ITPRID1: variants seen among roughly 807,000 people sequenced by gnomAD.
ITPRID1 encodes ITPR interacting domain containing 1.
Under a neutral mutation model 95.4 loss-of-function variants are expected in ITPRID1, and 96 were observed. The ratio of observed to expected loss-of-function variants is 1.01; its 90% CI spans 0.85 to 1.19. The LOEUF is 1.19. ITPRID1 is among the 50% of genes most tolerant of loss of function. The pLI, the probability that ITPRID1 is intolerant of heterozygous loss-of-function variation, is 0.00. For synonymous variants in ITPRID1, 510 were observed against 453.6 expected, an observed-to-expected ratio of 1.12 and a Z score of -1.58; for missense variants, 1,339 against 1,252.9, an observed-to-expected ratio of 1.07 and a Z score of -1.04.
chr7:31,622,296 A>G (rs966662356), intron 10 of ITPRID1, among the ~76,000 whole-genome samples: 2 of 105,930 alleles, frequency 1.9e-5, no homozygotes, highest in African/African-American at 6.5e-5. Flanking sequence ...AATCAACAGA[A>G]TATACATTTT....
chr7:31,517,097 C>A (rs752472179), intron 1 of ITPRID1, among the ~76,000 whole-genome samples: 2 of 152,172 alleles, frequency 1.3e-5, no homozygotes, highest in Non-Finnish European at 2.9e-5. Flanking sequence ...AAGAAACCAC[C>A]ATTCCCAGAG....
intron 10 of ITPRID1, among the ~76,000 whole-genome samples, chr7:31,622,186 G>C (rs2128180028): frequency 7.5e-6 from 1 of 133,422 alleles, no homozygotes; most frequent in Middle Eastern, 3.6e-3. Context: ...GTCAACATTA[G>C]ACAGATCAAC....
In ITPRID1 at chr7:31,656,023, A is replaced by T. The variant is rs1034987011; in HGVS notation, c.*3194A>T. ...TTCCTCTCCTTTGCTGAAACAAATG[A>T]AGTATCTCACCAGTAAGTCCTAGGG... On this transcript the variant is annotated 3_prime_UTR_variant, in exon 15 of 15. Transcript: ENST00000615280. The T allele has an allele frequency of 1.0e-6, 1 of 984,816 alleles. No individual in the cohort carries two copies. Among genetic ancestry groups the T allele is most frequent in the African/African-American group, 1.7e-5 (1 of 57,344 alleles). 61.0% of individuals were successfully genotyped at this position (984,816 alleles called of 1,614,324 possible). A position where few individuals can be genotyped will look rare whatever the true frequency, so the allele number is the denominator to read the frequency against.
At chr7:31,530,292 A>G (rs1714541827) in intron 1 of ITPRID1, among the ~76,000 whole-genome samples, 1 of 152,196 alleles carries the variant, frequency 6.6e-6, no homozygotes, top group Non-Finnish European at 1.5e-5. Context: ...TAATTCATTA[A>G]GAAAAAGCTA....
intron 5 of ITPRID1, among the ~76,000 whole-genome samples, chr7:31,564,420 T>C (rs983915004): frequency 6.6e-6 from 1 of 152,048 alleles, no homozygotes; most frequent in African/African-American, 2.4e-5. Context: ...TTTTTTTCTT[T>C]CTCCCTCCCC....
chr7:31,535,840 G>A (rs1455556288), intron 1 of ITPRID1, among the ~76,000 whole-genome samples: 1 of 151,890 alleles, frequency 6.6e-6, no homozygotes, highest in East Asian at 1.9e-4. Flanking sequence ...CTCCTGATAA[G>A]AGATCAAGGA....
At chr7:31,577,165 C>T (rs533384733) in intron 8 of ITPRID1, among the ~76,000 whole-genome samples, 3 of 152,264 alleles carry the variant, frequency 2.0e-5, no homozygotes, top group South Asian at 4.1e-4. Context: ...AAGTCTTGCT[C>T]GTTTATAATC....
chr7:31,651,262 G>A lies in ITPRID1; in HGVS notation c.2704G>A (p.Glu902Lys), dbSNP rs1295669869. The A allele has an allele frequency of 3.1e-6, 5 of 1,612,978 alleles. No individual in the cohort carries two copies. In the African/African-American group the frequency reaches 5.3e-5, roughly 17 times the overall value. ...CCTCTTTTCCAGGGACATGTCAGAG[G>A]AGGAAAGGTAATTACCTAAGGGAGC... Reference protein sequence around the residue: ...QALFSRDMSEEEREEAEQLQT... With the variant: ...QALFSRDMSEKEREEAEQLQT... Residue 902 changes from glutamate to lysine, a missense_variant, in exon 13 of 15, where the codon GAG becomes AAG. By Grantham distance (56) the Glu-to-Lys change is moderately conservative. Transcript: ENST00000615280.
intron 1 of ITPRID1, among the ~76,000 whole-genome samples, chr7:31,526,366 G>C (rs1261512300): frequency 6.6e-6 from 1 of 152,182 alleles, no homozygotes; most frequent in Admixed American, 6.5e-5. Context: ...AGCTCTAGGA[G>C]TCAGATAGGC....
chr7:31,642,160 C>G lies in ITPRID1; in HGVS notation c.1229-16C>G. ...GTTTTCCCTTTAATAACCTCAAGACCTCTTTCATTCTGCAGGTGCCAGGGT... is the reference window on the plus strand; with the variant it reads ...GTTTTCCCTTTAATAACCTCAAGACGTCTTTCATTCTGCAGGTGCCAGGGT... On this transcript the variant is annotated splice_polypyrimidine_tract_variant and intron_variant, in intron 10 of 14. Transcript: ENST00000615280. The G allele has an allele frequency of 1.3e-6, 2 of 1,547,954 alleles. No individual in the cohort carries two copies. Among genetic ancestry groups the G allele is most frequent in the African/African-American group, 1.4e-5 (1 of 73,144 alleles).
At chr7:31,564,976 C>CA (rs1316521460) in intron 5 of ITPRID1, among the ~76,000 whole-genome samples, 1 of 152,178 alleles carries the variant, frequency 6.6e-6, no homozygotes, top group African/African-American at 2.4e-5. Flanking sequence ...CAAAGGGAAG[C>CA]AGGACCTGGC....
chr7:31,627,639 AACAGAGCAAG>A (rs1398926598), intron 10 of ITPRID1, among the ~76,000 whole-genome samples: 4 of 142,816 alleles, frequency 2.8e-5, no homozygotes, highest in African/African-American at 1.0e-4. Flanking sequence ...CAGCCTGAGC[AACAGAGCAAG>A]ACACTGTCTC....
rs530985038 is a variant in ITPRID1 at position 31,652,423 on chromosome 7, G to A, written c.2824-95G>A. ...CTCAAAGAGCCCATTCTAGAGAATC[G>A]ACCACCTCATAATGCCTAGCTCACA... On this transcript the variant is annotated intron_variant, in intron 14 of 14. Transcript: ENST00000615280. The A allele has an allele frequency of 1.5e-5, 22 of 1,470,000 alleles. No homozygotes were observed. In the African/African-American group the frequency reaches 2.3e-4, roughly 15 times the overall value. 91.1% of individuals were successfully genotyped at this position (1,470,000 alleles called of 1,614,324 possible). A position where few individuals can be genotyped will look rare whatever the true frequency, so the allele number is the denominator to read the frequency against.
chr7:31,576,018 A>G (rs772942720), intron 8 of ITPRID1, among the ~76,000 whole-genome samples: 6 of 152,148 alleles, frequency 3.9e-5, no homozygotes, highest in African/African-American at 7.2e-5. Context: ...TCTTTGATCA[A>G]TTCTTTATTT....
chr7:31,633,296 G>A (rs757411473), intron 10 of ITPRID1, among the ~76,000 whole-genome samples: 1 of 152,122 alleles, frequency 6.6e-6, no homozygotes, highest in Non-Finnish European at 1.5e-5. Context: ...AGCTATGACC[G>A]ACAAATGTAA....
chr7:31,625,487 T>C lies in ITPRID1; in HGVS notation c.1229-16689T>C, dbSNP rs555036989. Reference sequence around the variant, plus strand: ...GTCCTTTGTAGGGACATGGATGAAATTGGAAATCATCATTCTCAATAAACT... The same window carrying C: ...GTCCTTTGTAGGGACATGGATGAAACTGGAAATCATCATTCTCAATAAACT... On this transcript the variant is annotated intron_variant, in intron 10 of 14. Coordinates refer to ENST00000615280, the MANE Select transcript of ITPRID1 (RefSeq NM_001257967.3). Among the ~76,000 whole-genome samples the C allele has an allele frequency of 3.9e-5, 6 of 152,106 alleles. No individual in the cohort carries two copies. The South Asian group carries it at 1.2e-3, about 32-fold the overall frequency.
At chr7:31,522,632 G>A (rs558613652) in intron 1 of ITPRID1, among the ~76,000 whole-genome samples, 1 of 152,282 alleles carries the variant, frequency 6.6e-6, no homozygotes, top group African/African-American at 2.4e-5. Flanking sequence ...GAAATCTCCT[G>A]TTTGCTTATG....
chr7:31,632,136 C>T (rs997432511), intron 10 of ITPRID1, among the ~76,000 whole-genome samples: 1 of 152,164 alleles, frequency 6.6e-6, no homozygotes, highest in African/African-American at 2.4e-5. Context: ...AGATCAATTT[C>T]AGAATGAAGA....
intron 10 of ITPRID1, among the ~76,000 whole-genome samples, chr7:31,603,335 T>C (rs1328203932): frequency 2.0e-5 from 3 of 151,974 alleles, no homozygotes; most frequent in Non-Finnish European, 4.4e-5. Flanking sequence ...GCATGCCGAG[T>C]TAACACATTG....
Sources: allele counts gnomAD v4.1 joint callset (sites outside exome capture counted in the v4.1 genomes callset), GRCh38; gene constraint gnomAD v4.1.1; transcripts MANE v1.5; gene names NCBI Gene and HGNC (gene_info 2026-07-23, HGNC 2026-07-21).